The following CDH23 variants were observed in gnomAD, a reference collection of about 807,000 sequenced individuals.
The protein encoded by CDH23 is cadherin related 23, also known as cadherin-23.
A neutral mutation model predicts 317.1 loss-of-function variants in CDH23; 189 were observed. That is an observed-to-expected ratio of 0.60 (90% CI 0.53 to 0.67). The LOEUF (loss-of-function observed/expected upper bound fraction) is 0.67, where lower values mean the gene tolerates loss of function less well. Ranked by LOEUF, CDH23 falls within the 30% of genes least tolerant of loss-of-function variation. The pLI is 0.00. For missense variants in CDH23, 4,401 were observed against 4,592.4 expected, an observed-to-expected ratio of 0.96 and a Z score of 1.20; for synonymous variants, 1,839 against 1,876.8, an observed-to-expected ratio of 0.98 and a Z score of 0.52.
chr10:71,488,264 A>G (rs114574523), intron 3 of CDH23, among the ~76,000 whole-genome samples: 1,616 of 152,354 alleles, frequency 0.011, 21 homozygotes, highest in African/African-American at 0.031. Flanking sequence ...GAAAGGAGGT[A>G]AAAGGTTTTC....
At chr10:71,442,994 C>T (rs1849967352) in intron 2 of CDH23, among the ~76,000 whole-genome samples, 1 of 152,170 alleles carries the variant, frequency 6.6e-6, no homozygotes, top group African/African-American at 2.4e-5. Flanking sequence ...CCTAAGCTCC[C>T]CAGCAGCAGT....
intron 1 of CDH23, among the ~76,000 whole-genome samples, chr10:71,433,828 C>G (rs1429399513): frequency 6.8e-6 from 1 of 147,154 alleles, no homozygotes; most frequent in Non-Finnish European, 1.5e-5. Context: ...ACACCGCTCC[C>G]CTGCCTGGAG....
At chr10:71,497,957 T>A (rs1853067398) in intron 3 of CDH23, among the ~76,000 whole-genome samples, 1 of 152,192 alleles carries the variant, frequency 6.6e-6, no homozygotes, top group Admixed American at 6.5e-5. Flanking sequence ...TTCTTCCTAC[T>A]GACCTCAGAT....
At chr10:71,682,607 G>C in intron 18 of CDH23, 35 bp downstream of exon 18, 1 of 1,608,186 alleles carries the variant, frequency 6.2e-7, no homozygotes, top group Non-Finnish European at 8.5e-7. Context: ...TGCCCTGCTA[G>C]TGTAAGGGAT....
In CDH23 at chr10:71,732,245, A is replaced by C. The variant is rs778248681; in HGVS notation, c.3974A>C (p.Asn1325Thr). Reference protein sequence around the residue: ...NASYEAAILENLALGTEIVRV... With the variant: ...NASYEAAILETLALGTEIVRV... The stretch of plus-strand genomic sequence containing the variant: ...TCATACGAGGCTGCCATCCTGGAGA[A>C]TCTGGCACTGGGTACTGAGATTGTG... Residue 1325 changes from asparagine to threonine, a missense_variant, in exon 32 of 70, where the codon AAT (asparagine) becomes ACT (threonine). Asn to Thr is a moderately conservative substitution (Grantham distance 65). Transcript: ENST00000224721. 1 of 1,613,832 alleles carries C rather than the reference A, an allele frequency of 6.2e-7. No individual in the cohort carries two copies. The highest frequency in any genetic ancestry group is 1.1e-5 in the South Asian group (1 of 91,056).
chr10:71,601,955 C>T (rs1269022523), intron 9 of CDH23, among the ~76,000 whole-genome samples: 4 of 88,530 alleles, frequency 4.5e-5, no homozygotes, highest in Non-Finnish European at 9.5e-5. Context: ...GCTGGGTGGG[C>T]GGCGGAGGGG....
intron 9 of CDH23, among the ~76,000 whole-genome samples, chr10:71,593,093 G>A (rs1216197364): frequency 6.6e-6 from 1 of 152,238 alleles, no homozygotes; most frequent in Admixed American, 6.5e-5. Context: ...CATGCGTGGG[G>A]CAGGCCCCAA....
chr10:71,650,504 A>G (rs1034601018), intron 14 of CDH23, among the ~76,000 whole-genome samples: 3 of 152,126 alleles, frequency 2.0e-5, no homozygotes, highest in Non-Finnish European at 4.4e-5. Flanking sequence ...GTGCATGTAC[A>G]TGTGTTTGCA....
chr10:71,530,034 GACACACACACAC>G (rs57652121), intron 6 of CDH23, among the ~76,000 whole-genome samples: 13 of 140,832 alleles, frequency 9.2e-5, no homozygotes, highest in African/African-American at 1.6e-4. Context: ...CACACATACA[GACACACACACAC>G]ACACACACAC....
chr10:71,459,504 G>A (rs1015740163), intron 3 of CDH23, among the ~76,000 whole-genome samples: 8 of 152,176 alleles, frequency 5.3e-5, no homozygotes, highest in Admixed American at 2.6e-4. Context: ...GAAGCAGCTC[G>A]GGGACAGGAA....
intron 51 of CDH23, 47 bp downstream of exon 51, chr10:71,799,327 T>G: frequency 1.2e-6 from 2 of 1,611,798 alleles, no homozygotes; most frequent in Non-Finnish European, 1.7e-6. Context: ...CGCCCATTCC[T>G]TGGGGTCTTT....
At chr10:71,675,011 C>A in intron 14 of CDH23, 101 bp from the exon 15 acceptor site, 1 of 1,083,258 alleles carries the variant, frequency 9.2e-7, no homozygotes. Flanking sequence ...AGAAAATTCA[C>A]CCTGGGCCAA....
chr10:71,745,454 C>A (rs151227152), intron 38 of CDH23, among the ~76,000 whole-genome samples: 2 of 152,258 alleles, frequency 1.3e-5, no homozygotes, highest in South Asian at 4.1e-4. Context: ...CATATCCTCC[C>A]GGGACAGTGT....
intron 15 of CDH23, 148 bp from the exon 16 acceptor site, chr10:71,677,308 A>C: frequency 3.7e-6 from 2 of 547,296 alleles, no homozygotes; most frequent in Non-Finnish European, 3.3e-6. Flanking sequence ...AGCTCTTCTC[A>C]GGGCAAGTGA....
intron 17 of CDH23, among the ~76,000 whole-genome samples, chr10:71,680,803 T>C (rs1864600673): frequency 7.5e-6 from 1 of 133,000 alleles, no homozygotes; most frequent in Non-Finnish European, 1.6e-5. Context: ...TACATCCCTC[T>C]GTCTTTCTTT....
chr10:71,522,483 T>C (rs1854756030), intron 6 of CDH23, among the ~76,000 whole-genome samples: 1 of 152,192 alleles, frequency 6.6e-6, no homozygotes, highest in Non-Finnish European at 1.5e-5. Flanking sequence ...GTTAGGAGCA[T>C]GGTATTAGGA....
At chr10:71,486,341 G>T (rs1852345576) in intron 3 of CDH23, among the ~76,000 whole-genome samples, 1 of 152,192 alleles carries the variant, frequency 6.6e-6, no homozygotes. Context: ...GAATGAATGT[G>T]TGACCATCAG....
At chr10:71,690,077 A>G (rs1350462491) in intron 19 of CDH23, among the ~76,000 whole-genome samples, 1 of 152,222 alleles carries the variant, frequency 6.6e-6, no homozygotes, top group Admixed American at 6.5e-5. Flanking sequence ...CTGAAATTGA[A>G]TACAGTAAAT....
chr10:71,798,669 T>C, intron 50 of CDH23, 91 bp downstream of exon 50: 1 of 1,028,788 alleles, frequency 9.7e-7, no homozygotes, highest in Non-Finnish European at 1.4e-6. Context: ...CTGTGGCTCC[T>C]CAGTGGACTG....
Sources: allele counts gnomAD v4.1 joint callset (sites outside exome capture counted in the v4.1 genomes callset), GRCh38; gene constraint gnomAD v4.1.1; transcripts MANE v1.5; gene names NCBI Gene and HGNC (gene_info 2026-07-23, HGNC 2026-07-21).